DSC3: variants seen among roughly 807,000 people sequenced by gnomAD.
DSC3 encodes desmocollin-3.
DSC3 carries 97 observed loss-of-function variants against 89.5 expected under a neutral mutation model. That is an observed-to-expected ratio of 1.08 (90% CI 0.92 to 1.28). The LOEUF (loss-of-function observed/expected upper bound fraction) is 1.28, where lower values mean the gene tolerates loss of function less well. Ranked by LOEUF, DSC3 falls within the 50% of genes most tolerant of loss-of-function variation. DSC3 has a pLI of 0.00. For missense variants in DSC3, 1,199 were observed against 1,085.3 expected, an observed-to-expected ratio of 1.10 and a Z score of -1.47; for synonymous variants, 436 against 384.1, an observed-to-expected ratio of 1.14 and a Z score of -1.58.
At chr18:31,020,652 C>T (rs541711614) in intron 7 of DSC3, among the ~76,000 whole-genome samples, 46 of 152,132 alleles carry the variant, frequency 3.0e-4, no homozygotes, top group African/African-American at 1.1e-3. Context: ...TACTGAAAGT[C>T]AATATTCTAG....
intron 1 of DSC3, among the ~76,000 whole-genome samples, chr18:31,042,312 G>C (rs891260072): frequency 2.6e-5 from 4 of 152,166 alleles, no homozygotes; most frequent in Non-Finnish European, 5.9e-5. Context: ...AACCCGCGAC[G>C]GCGCCCGCCA....
At position 31,026,818 on chromosome 18, in the gene DSC3, G is replaced by A. The variant is rs1030803792; in HGVS notation, c.475-903C>T. Among the ~76,000 whole-genome samples, 39 of 152,098 alleles carry A rather than the reference G, an allele frequency of 2.6e-4. 1 individual carries two copies. The highest frequency in any genetic ancestry group is 1.6e-3 in the Admixed American group (25 of 15,250). ...GCCACATGCTAAGGTCAGGACAAGG[G>A]AATGTGAACAAAAATGATATGTGCA... On this transcript the variant is annotated intron_variant, in intron 4 of 15. Transcript: ENST00000360428.
Position 30,994,264 on chromosome 18 carries a change from T to C in DSC3, c.2602A>G (p.Ser868Gly). The C allele has an allele frequency of 1.2e-6, 2 of 1,614,130 alleles. No individual in the cohort carries two copies. The highest frequency in any genetic ancestry group is 1.7e-6 in the Non-Finnish European group (2 of 1,179,998). The part of the protein sequence containing the change: ...GSPAGSVGCC[S>G]EKQEEDGLDF... ...AGGCCATCTTCTTCCTGCTTTTCAC[T>C]GCAGCAGCCCACAGAACCAGCTGGA... Residue 868 changes from serine (S) to glycine (G), a missense_variant, in exon 16 of 16, where the codon AGT (serine) becomes GGT (glycine). Coordinates refer to ENST00000360428, the MANE Select transcript of DSC3 (RefSeq NM_001941.5).
Position 30,990,478 on chromosome 18 carries a change from T to G in DSC3, c.*3697A>C, listed in dbSNP as rs1200906137. 6.6e-6 allele frequency: 1 copy of G among 152,176 alleles called. No individual in the cohort carries two copies. The highest frequency in any genetic ancestry group is 2.4e-5 in the African/African-American group (1 of 41,442). The allele number at this position is 152,176 out of a possible 1,614,324, so 9.4% of individuals were successfully genotyped here. ...CAATAGAAGTTACTGGAATTGAAATTTTGGTTCAACCTATATTAAAATGTA... is the reference window on the plus strand; with the variant it reads ...CAATAGAAGTTACTGGAATTGAAATGTTGGTTCAACCTATATTAAAATGTA... On this transcript the variant is annotated 3_prime_UTR_variant, in exon 16 of 16. Transcript: ENST00000360428.
intron 4 of DSC3, among the ~76,000 whole-genome samples, chr18:31,027,492 C>CTTCCTTCCTTCCTTCT (rs1567959597): frequency 6.6e-6 from 1 of 150,754 alleles, no homozygotes; most frequent in Non-Finnish European, 1.5e-5. Flanking sequence ...TCCTTCCTTC[C>CTTCCTTCCTTCCTTCT]TTCCTTCTTT....
At chr18:31,009,253 T>C (rs1024247048) in intron 9 of DSC3, among the ~76,000 whole-genome samples, 1 of 124,440 alleles carries the variant, frequency 8.0e-6, no homozygotes, top group African/African-American at 3.3e-5. Flanking sequence ...GATGGGGTTC[T>C]GCCATCTTAG....
intron 1 of DSC3, among the ~76,000 whole-genome samples, chr18:31,042,180 A>C (rs2144749479): frequency 6.6e-6 from 1 of 152,144 alleles, no homozygotes; most frequent in Admixed American, 6.5e-5. Context: ...GCAGCCCCTA[A>C]ATCCCTTTTC....
chr18:31,000,687 G>A (rs28391212), intron 14 of DSC3, among the ~76,000 whole-genome samples: 2,051 of 151,928 alleles, frequency 0.013, 39 homozygotes, highest in African/African-American at 0.047. Flanking sequence ...TGTCTTGTAG[G>A]CTATGCTGTT....
intron 12 of DSC3, among the ~76,000 whole-genome samples, chr18:31,006,623 G>GCA (rs140753463): frequency 3.3e-5 from 5 of 151,758 alleles, no homozygotes; most frequent in East Asian, 1.9e-4. Context: ...TTAAAAACAT[G>GCA]CACACACACA....
intron 15 of DSC3, among the ~76,000 whole-genome samples, chr18:30,995,971 TAAAAAAAAAAA>T (rs1196444633): frequency 4.9e-4 from 18 of 37,016 alleles, no homozygotes; most frequent in Non-Finnish European, 4.8e-4. Flanking sequence ...GACCCTGCCT[TAAAAAAAAAAA>T]AAAAAAAAAA....
chr18:31,018,258 TG>T lies in DSC3; in HGVS notation c.1078-3del. On this transcript the variant is annotated splice_region_variant and splice_polypyrimidine_tract_variant and intron_variant, in intron 8 of 15. Transcript: ENST00000360428. ...ATTTTCCTCTACAAATGCTTCATAC[TG>T]AAACAGAAAGAAGTCATTGAAAATT... 6.2e-7 allele frequency: 1 copy of T among 1,605,840 alleles called. No homozygotes were observed. The highest frequency in any genetic ancestry group is 8.5e-7 in the Non-Finnish European group (1 of 1,176,746).
At chr18:31,033,086 A>T (rs998588343) in intron 1 of DSC3, among the ~76,000 whole-genome samples, 1 of 152,150 alleles carries the variant, frequency 6.6e-6, no homozygotes, top group Non-Finnish European at 1.5e-5. Flanking sequence ...GAAGAATAAA[A>T]TACTTAGGAA....
rs1174895399 is a variant in DSC3 at position 30,989,425 on chromosome 18, T to C, written c.*4750A>G. ...GGCAAATCCATAGAGACAGAAAAGATATCAGTGGTTGCCAGGGGATAATGC... is the reference window on the plus strand; with the variant it reads ...GGCAAATCCATAGAGACAGAAAAGACATCAGTGGTTGCCAGGGGATAATGC... On this transcript the variant is annotated 3_prime_UTR_variant, in exon 16 of 16. Transcript: ENST00000360428. 1.3e-5 allele frequency among the ~76,000 whole-genome samples: 2 copies of C among 152,144 alleles called. No homozygotes were observed. Among genetic ancestry groups the C allele is most frequent in the Non-Finnish European group, 2.9e-5 (2 of 68,028 alleles).
At chr18:31,020,509 A>T (rs1234180358) in intron 7 of DSC3, among the ~76,000 whole-genome samples, 3 of 152,208 alleles carry the variant, frequency 2.0e-5, no homozygotes, top group African/African-American at 7.2e-5. Flanking sequence ...AATTTGTGGT[A>T]CAATCATCTT....
At chr18:31,032,894 G>T (rs369107234) in intron 1 of DSC3, among the ~76,000 whole-genome samples, 20 of 152,192 alleles carry the variant, frequency 1.3e-4, no homozygotes, top group East Asian at 7.7e-4. Context: ...AGGTAAAATT[G>T]TTTCTATACA....
intron 14 of DSC3, among the ~76,000 whole-genome samples, chr18:30,999,134 G>A (rs1176225676): frequency 3.3e-5 from 5 of 152,172 alleles, no homozygotes; most frequent in Non-Finnish European, 7.3e-5. Flanking sequence ...ACCTCGACAT[G>A]TCAGTTTTCA....
Position 31,008,304 on chromosome 18 carries a change from T to C in DSC3, c.1485A>G (p.Ala495=), listed in dbSNP as rs773022925. 5 of 1,614,144 alleles carry C rather than the reference T, an allele frequency of 3.1e-6. No individual in the cohort carries two copies. The Admixed American group carries it at 8.3e-5, about 27-fold the overall frequency. ...AVGSKINGYK[A]YDPENRNGNG... ...TGCCATTTCTATTTTCGGGGTCATA[T>C]GCCTTATAGCCGTTGATCTTTGACC... The change falls in exon 10 of 16, where the codon GCA becomes GCG. Residue 495 remains alanine (A), a synonymous_variant. Transcript: ENST00000360428.
chr18:31,032,752 T>A (rs929608811), intron 1 of DSC3, among the ~76,000 whole-genome samples: 1 of 152,238 alleles, frequency 6.6e-6, no homozygotes, highest in Middle Eastern at 3.4e-3. Context: ...CCCGCCACCA[T>A]GATCAGCTAA....
Position 30,989,791 on chromosome 18 carries a change from ATAAACTGTC to A in DSC3, c.*4375_*4383del, listed in dbSNP as rs1222670775. On this transcript the variant is annotated 3_prime_UTR_variant, in exon 16 of 16. Transcript: ENST00000360428. ...AATTCTAAATAATATAAGAGCCAAA[ATAAACTGTC>A]TAAGCTGGTATTAACCTTTTTCTTA... is the stretch of plus-strand genomic sequence containing the variant. Among the ~76,000 whole-genome samples the A allele has an allele frequency of 6.6e-6, 1 of 152,220 alleles. No individual in the cohort carries two copies. Among genetic ancestry groups the A allele is most frequent in the Non-Finnish European group, 1.5e-5 (1 of 68,032 alleles).
Sources: gnomAD v4.1 joint callset for allele counts (sites outside exome capture counted in the v4.1 genomes callset) on GRCh38, gnomAD v4.1.1 for gene constraint, MANE v1.5 for transcripts, NCBI Gene and HGNC (gene_info 2026-07-23, HGNC 2026-07-21) for gene names.